THSD4: variants seen among roughly 807,000 people sequenced by gnomAD.
The protein encoded by THSD4 is thrombospondin type 1 domain containing 4, also known as thrombospondin type-1 domain-containing protein 4.
THSD4 carries 69 observed loss-of-function variants against 119.0 expected under a neutral mutation model. That is an observed-to-expected ratio of 0.58 (90% CI 0.48 to 0.71). The LOEUF is 0.71. THSD4 is among the 30% of genes least tolerant of loss of function. The probability of loss-of-function intolerance (pLI) is 0.00; values close to 1 mark genes in which losing one functional copy is unlikely to be tolerated. For synonymous variants in THSD4, 524 were observed against 540.4 expected, an observed-to-expected ratio of 0.97 and a Z score of 0.42; for missense variants, 1,393 against 1,391.1, an observed-to-expected ratio of 1.00 and a Z score of -0.02.
At chr15:71,513,785 T>C (rs2048315851) in intron 7 of THSD4, among the ~76,000 whole-genome samples, 1 of 152,142 alleles carries the variant, frequency 6.6e-6, no homozygotes, top group African/African-American at 2.4e-5. Flanking sequence ...AACGCAAACA[T>C]CTATCAATAG....
intron 7 of THSD4, among the ~76,000 whole-genome samples, chr15:71,513,688 A>G (rs979537027): frequency 1.3e-5 from 2 of 152,210 alleles, no homozygotes; most frequent in African/African-American, 2.4e-5. Context: ...CTGGGTATTT[A>G]CTCAGGAGAA....
At chr15:71,199,457 G>C (rs1417678890) in intron 3 of THSD4, among the ~76,000 whole-genome samples, 2 of 109,368 alleles carry the variant, frequency 1.8e-5, no homozygotes, top group African/African-American at 3.0e-5. Context: ...GTGTGTGGGG[G>C]GGGGTGTGTG....
At chr15:71,392,140 G>A (rs2046387343) in intron 6 of THSD4, among the ~76,000 whole-genome samples, 1 of 152,210 alleles carries the variant, frequency 6.6e-6, no homozygotes, top group Admixed American at 6.5e-5. Flanking sequence ...ATATGCAAAT[G>A]AAGCCTTGAG....
rs143359080 is a variant in THSD4 at position 71,403,947 on chromosome 15, A to G, written c.1016-7740A>G. On this transcript the variant is annotated intron_variant, in intron 6 of 17. Transcript: ENST00000261862. Reference sequence around the variant, plus strand: ...ACAGGATAACTTATTGATTGTAAGTAGGGAAAGATCAAATCCCAGTCCTGA... The same window carrying G: ...ACAGGATAACTTATTGATTGTAAGTGGGGAAAGATCAAATCCCAGTCCTGA... Among the ~76,000 whole-genome samples the G allele has an allele frequency of 2.6e-5, 4 of 152,342 alleles. No individual in the cohort carries two copies. In the East Asian group the frequency reaches 7.7e-4, roughly 29 times the overall value.
At chr15:71,447,118 GT>G (rs1555414736) in intron 7 of THSD4, among the ~76,000 whole-genome samples, 1 of 76,084 alleles carries the variant, frequency 1.3e-5, no homozygotes, top group African/African-American at 4.7e-5. Context: ...CATTTTTTTT[GT>G]TTTTTTTTTT....
At position 71,172,682 on chromosome 15, in the gene THSD4, C is replaced by CAT. The variant is rs71152331; in HGVS notation, c.99+17801_99+17802dup. Among the ~76,000 whole-genome samples, 209 of 24,184 alleles carry CAT rather than the reference C, an allele frequency of 8.6e-3. 3 individuals carry two copies. Among genetic ancestry groups the CAT allele is most frequent in the South Asian group, 0.016 (7 of 440 alleles). 15.9% of individuals were successfully genotyped at this position (24,184 alleles called of 152,430 possible). A position where few individuals can be genotyped will look rare whatever the true frequency, so the allele number is the denominator to read the frequency against. ...AATACAGCATGAAAATAGACCTATA[C>CAT]ATATATATATATATATATATATATA... On this transcript the variant is annotated intron_variant, in intron 3 of 17. Transcript: ENST00000261862.
intron 7 of THSD4, among the ~76,000 whole-genome samples, chr15:71,478,256 T>G (rs2047679657): frequency 6.6e-6 from 1 of 152,234 alleles, no homozygotes; most frequent in South Asian, 2.1e-4. Context: ...TAAGCAGGTA[T>G]AAAAATAGAT....
chr15:71,395,213 T>C (rs796808387), intron 6 of THSD4, among the ~76,000 whole-genome samples: 4 of 152,050 alleles, frequency 2.6e-5, no homozygotes, highest in Admixed American at 6.6e-5. Context: ...TGATGAAACA[T>C]GTTGAAAGTC....
At chr15:71,276,895 C>A (rs962588481) in intron 6 of THSD4, among the ~76,000 whole-genome samples, 14 of 152,250 alleles carry the variant, frequency 9.2e-5, no homozygotes, top group African/African-American at 3.4e-4. Flanking sequence ...CAGGGGCTGG[C>A]CTGGTTTCCC....
chr15:71,762,775 T>C (rs1251603698), intron 15 of THSD4, among the ~76,000 whole-genome samples: 5 of 152,156 alleles, frequency 3.3e-5, no homozygotes, highest in Admixed American at 6.5e-5. Flanking sequence ...GGAAATCTTA[T>C]AGTTTTTTTT....
At chr15:71,304,460 T>C (rs2140341323) in intron 6 of THSD4, among the ~76,000 whole-genome samples, 1 of 152,158 alleles carries the variant, frequency 6.6e-6, no homozygotes, top group East Asian at 1.9e-4. Flanking sequence ...TCCAATGTAG[T>C]CATAATATAT....
chr15:71,773,559 AT>A (rs2053862563), intron 17 of THSD4, among the ~76,000 whole-genome samples: 2 of 152,258 alleles, frequency 1.3e-5, no homozygotes, highest in Non-Finnish European at 2.9e-5. Context: ...AAACTATGAG[AT>A]TAACAAAACA....
At position 71,757,846 on chromosome 15, in the gene THSD4, T is replaced by C. The variant is rs750499470; in HGVS notation, c.2416-56T>C. 3 of 1,597,604 alleles carry C rather than the reference T, an allele frequency of 1.9e-6. No individual in the cohort carries two copies. In the East Asian group the frequency reaches 6.7e-5, roughly 36 times the overall value. On this transcript the variant is annotated intron_variant, in intron 14 of 17. Transcript: ENST00000261862. ...CATCCTCCTTTCCATCATTTGAAAG[T>C]GGCTTCAGCAGCTGCCAGGGCCTCC...
intron 5 of THSD4, among the ~76,000 whole-genome samples, chr15:71,246,640 A>G (rs1042891327): frequency 6.6e-6 from 1 of 152,186 alleles, no homozygotes; most frequent in African/African-American, 2.4e-5. Context: ...TGATCTAGGA[A>G]TTTTAAGCAT....
chr15:71,752,760 G>A (rs2053470834), intron 14 of THSD4, among the ~76,000 whole-genome samples: 2 of 152,210 alleles, frequency 1.3e-5, no homozygotes, highest in Admixed American at 1.3e-4. Context: ...CAGTGGGAAG[G>A]ATTTCCTGTG....
At chr15:71,661,484 C>T (rs920357375) in intron 8 of THSD4, among the ~76,000 whole-genome samples, 1 of 151,974 alleles carries the variant, frequency 6.6e-6, no homozygotes, top group Non-Finnish European at 1.5e-5. Context: ...CAGCCTCCGC[C>T]TCCCAGGTTC....
chr15:71,411,647 C>T, intron 6 of THSD4, 40 bp from the exon 7 acceptor site: 1 of 1,570,746 alleles, frequency 6.4e-7, no homozygotes, highest in Non-Finnish European at 8.6e-7. Context: ...ATTGCTTATA[C>T]CTTATCTTTA....
At chr15:71,706,619 A>G (rs2052397392) in intron 8 of THSD4, among the ~76,000 whole-genome samples, 1 of 152,154 alleles carries the variant, frequency 6.6e-6, no homozygotes, top group African/African-American at 2.4e-5. Context: ...AGAACCAGGA[A>G]CTGGACCCGA....
intron 3 of THSD4, chr15:71,186,379 G>A (rs2043603598): frequency 2.6e-5 from 4 of 152,266 alleles, no homozygotes; most frequent in Non-Finnish European, 5.9e-5. Flanking sequence ...TGTGTGACCT[G>A]TTGTCATGGA....
Sources: allele counts gnomAD v4.1 joint callset (sites outside exome capture counted in the v4.1 genomes callset), GRCh38; gene constraint gnomAD v4.1.1; transcripts MANE v1.5; gene names NCBI Gene and HGNC (gene_info 2026-07-23, HGNC 2026-07-21).